Variants in AOX1 observed in about 807,000 individuals in gnomAD.
The protein encoded by AOX1 is aldehyde oxidase 1, also known as aldehyde oxidase.
A neutral mutation model predicts 169.5 loss-of-function variants in AOX1; 153 were observed. The ratio of observed to expected loss-of-function variants is 0.90; its 90% confidence interval spans 0.79 to 1.03. AOX1 has a LOEUF of 1.03. Among genes scored for constraint, AOX1 ranks in the 50% least tolerant of loss-of-function variants. AOX1 has a pLI of 0.00. For synonymous variants in AOX1, 562 were observed against 581.9 expected (o/e 0.97, Z 0.49); for missense variants, 1,656 against 1,663.9 (o/e 1.00, Z 0.08).
chr2:200,639,731 AAGAT>A (rs1304322194), intron 23 of AOX1, among the ~76,000 whole-genome samples: 4 of 152,080 alleles, frequency 2.6e-5, no homozygotes, highest in Non-Finnish European at 5.9e-5. Flanking sequence ...AAGAAGGTAA[AAGAT>A]AGGTCTTCAA....
chr2:200,600,119 G>T (rs1234079754), intron 5 of AOX1, among the ~76,000 whole-genome samples: 2 of 152,208 alleles, frequency 1.3e-5, no homozygotes, highest in Non-Finnish European at 2.9e-5. Context: ...TTTGTTCAAA[G>T]TTACACCCCC....
rs766537964 is a variant in AOX1 at position 200,609,414 on chromosome 2, G to A, written c.1153G>A (p.Glu385Lys). 1.2e-6 allele frequency: 2 copies of A among 1,612,782 alleles called. No individual in the cohort carries two copies. Among genetic ancestry groups the A allele is most frequent in the African/African-American group, 1.3e-5 (1 of 74,880 alleles). ...GNCTLNLLSK[E>K]GKRQIPLNEQ... Reference sequence around the variant, plus strand: ...CTGTACCCTCAACTTGCTATCAAAAGGTAAGTGACAGCCCCTACTTGGAGA... The same window carrying A: ...CTGTACCCTCAACTTGCTATCAAAAAGTAAGTGACAGCCCCTACTTGGAGA... The change falls in exon 12 of 35, where the codon GAA becomes AAA. Residue 385 changes from glutamate to lysine, a missense_variant and splice_region_variant. By Grantham distance (56) the Glu-to-Lys change is moderately conservative. Coordinates refer to ENST00000374700, the MANE Select transcript of AOX1 (RefSeq NM_001159.4).
intron 25 of AOX1, among the ~76,000 whole-genome samples, chr2:200,645,401 G>T (rs1469808892): frequency 3.9e-5 from 6 of 152,122 alleles, no homozygotes; most frequent in Admixed American, 6.5e-5. Flanking sequence ...AACCATCCCT[G>T]TATCCCTGGT....
At chr2:200,609,980 T>C (rs1181474923) in intron 12 of AOX1, among the ~76,000 whole-genome samples, 1 of 152,224 alleles carries the variant, frequency 6.6e-6, no homozygotes, top group African/African-American at 2.4e-5. Context: ...CTCTGTAAAT[T>C]TGTGGGGTTT....
intron 22 of AOX1, 152 bp from the exon 23 acceptor site, chr2:200,638,063 C>A: frequency 1.6e-6 from 1 of 627,766 alleles, no homozygotes; most frequent in Non-Finnish European, 2.8e-6. Flanking sequence ...ACGGTGTATG[C>A]CTGAGATCAG....
intron 28 of AOX1, 51 bp from the exon 29 acceptor site, chr2:200,659,944 G>A (rs749259371): frequency 7.3e-7 from 1 of 1,379,266 alleles, no homozygotes; most frequent in South Asian, 1.2e-5. Flanking sequence ...TTTTGAATTT[G>A]GTGTTTGCAT....
rs892632658 is a variant in AOX1 at position 200,656,865 on chromosome 2, T to C, written c.3099T>C (p.Tyr1033=). 1 of 1,586,928 alleles carries C rather than the reference T, an allele frequency of 6.3e-7. No homozygotes were observed. The highest frequency in any genetic ancestry group is 1.4e-5 in the African/African-American group (1 of 74,064). ...AGQAAALVHI[Y]LDGSVLVTHG... Reference sequence around the variant, plus strand: ...AGGCTGCTGCCTTGGTTCACATTTATCTTGATGGCTCTGTGCTGGTCACTC... The same window carrying C: ...AGGCTGCTGCCTTGGTTCACATTTACCTTGATGGCTCTGTGCTGGTCACTC... Residue 1033 remains tyrosine, a synonymous_variant, in exon 27 of 35, where the codon TAT becomes TAC. Transcript: ENST00000374700.
Position 200,634,815 on chromosome 2 carries a change from A to G in AOX1, c.2246A>G (p.Glu749Gly). ...LEGEIHMGGQ[E>G]HFYMETQSML... ...GGTGAAATACATATGGGAGGTCAAGAACATTTTTATATGGAAACCCAAAGC... is the reference window on the plus strand; with the variant it reads ...GGTGAAATACATATGGGAGGTCAAGGACATTTTTATATGGAAACCCAAAGC... Residue 749 changes from glutamate (E) to glycine (G), a missense_variant, in exon 21 of 35, where the codon GAA (glutamate) becomes GGA (glycine). By Grantham distance (98) the Glu-to-Gly change is moderately conservative. Coordinates refer to ENST00000374700, the MANE Select transcript of AOX1 (RefSeq NM_001159.4). 1 of 1,614,062 alleles carries G rather than the reference A, an allele frequency of 6.2e-7. No homozygotes were observed. Among genetic ancestry groups the G allele is most frequent in the Non-Finnish European group, 8.5e-7 (1 of 1,179,958 alleles).
chr2:200,652,495 A>T (rs1258325102), intron 26 of AOX1, among the ~76,000 whole-genome samples: 2 of 152,230 alleles, frequency 1.3e-5, no homozygotes, highest in Non-Finnish European at 2.9e-5. Flanking sequence ...AGGGTTTGTA[A>T]GCATTGAGTC....
chr2:200,620,701 C>T lies in AOX1; in HGVS notation c.1756C>T (p.His586Tyr), dbSNP rs373513974. ...AGACCCAATTGGCCACCCCATCATG[C>T]ATCTGTCTGGTGTGAAGCATGCCAC... ...PEDPIGHPIM[H>Y]LSGVKHATGE... The change falls in exon 17 of 35, where the codon CAT (histidine) becomes TAT (tyrosine). Residue 586 changes from histidine to tyrosine, a missense_variant. Physicochemically the swap from His to Tyr is moderately conservative, Grantham distance 83. Transcript: ENST00000374700. The T allele has an allele frequency of 6.3e-7, 1 of 1,587,746 alleles. No individual in the cohort carries two copies. Among genetic ancestry groups the T allele is most frequent in the Non-Finnish European group, 8.5e-7 (1 of 1,171,616 alleles).
Position 200,597,524 on chromosome 2 carries a change from C to G in AOX1, c.309+19C>G, listed in dbSNP as rs1245021650. 1 of 1,554,554 alleles carries G rather than the reference C, an allele frequency of 6.4e-7. No individual in the cohort carries two copies. Among genetic ancestry groups the G allele is most frequent in the Non-Finnish European group, 8.8e-7 (1 of 1,130,392 alleles). On this transcript the variant is annotated intron_variant, in intron 4 of 34. Coordinates refer to ENST00000374700, the MANE Select transcript of AOX1 (RefSeq NM_001159.4). ...TGTTCAGGTGAGGATGTGCCTCTTCCTTATAGGCTTTCTGTGCTTTAGAAA... is the reference window on the plus strand; with the variant it reads ...TGTTCAGGTGAGGATGTGCCTCTTCGTTATAGGCTTTCTGTGCTTTAGAAA...
intron 15 of AOX1, among the ~76,000 whole-genome samples, chr2:200,615,213 C>T (rs1242101739): frequency 6.6e-6 from 1 of 152,162 alleles, no homozygotes; most frequent in African/African-American, 2.4e-5. Flanking sequence ...TACCATGTTG[C>T]TCAAGCTGGT....
Position 200,655,437 on chromosome 2 carries a change from T to C in AOX1, c.3076-1405T>C, listed in dbSNP as rs530598130. 3.9e-5 allele frequency among the ~76,000 whole-genome samples: 6 copies of C among 152,250 alleles called. No homozygotes were observed. In the East Asian group the frequency reaches 1.2e-3, roughly 29 times the overall value. ...ATGTCCAGGAGCAAAAGATGGTGTT[T>C]CCAGGAGTCATGAGTCAATAAACAG... is the stretch of plus-strand genomic sequence containing the variant. On this transcript the variant is annotated intron_variant, in intron 26 of 34. Coordinates refer to ENST00000374700, the MANE Select transcript of AOX1 (RefSeq NM_001159.4).
chr2:200,662,782 A>G, intron 30 of AOX1, 73 bp from the exon 31 acceptor site: 2 of 1,181,200 alleles, frequency 1.7e-6, no homozygotes, highest in South Asian at 1.2e-5. Context: ...ATAAATCCTC[A>G]TGGGTCTGTT....
intron 15 of AOX1, among the ~76,000 whole-genome samples, chr2:200,614,804 C>T (rs139930617): frequency 1.3e-5 from 2 of 152,182 alleles, no homozygotes; most frequent in East Asian, 1.9e-4. Flanking sequence ...AACTAGGAAC[C>T]AGAAGGGTAG....
intron 26 of AOX1, among the ~76,000 whole-genome samples, chr2:200,655,888 T>C (rs2035672428): frequency 6.6e-6 from 1 of 152,228 alleles, no homozygotes; most frequent in Non-Finnish European, 1.5e-5. Context: ...CTTCACTTAA[T>C]GACCAGGGTT....
intron 25 of AOX1, among the ~76,000 whole-genome samples, chr2:200,647,253 C>T (rs866300000): frequency 3.3e-5 from 5 of 152,180 alleles, no homozygotes; most frequent in African/African-American, 1.2e-4. Context: ...TTTAGAGCTG[C>T]TTTTAGCAGT....
At chr2:200,644,640 C>T (rs759061970) in intron 25 of AOX1, among the ~76,000 whole-genome samples, 7 of 152,220 alleles carry the variant, frequency 4.6e-5, no homozygotes, top group Non-Finnish European at 7.4e-5. Context: ...TTGCTTTTGG[C>T]AGTATAGCCA....
intron 7 of AOX1, among the ~76,000 whole-genome samples, 183 bp from the exon 8 acceptor site, chr2:200,603,834 T>G (rs1468795828): frequency 6.6e-6 from 1 of 152,138 alleles, no homozygotes; most frequent in Non-Finnish European, 1.5e-5. Context: ...GCATCAGCAC[T>G]GAGTTGCTGA....
Sources: gnomAD v4.1 joint callset for allele counts (sites outside exome capture counted in the v4.1 genomes callset) on GRCh38, gnomAD v4.1.1 for gene constraint, MANE v1.5 for transcripts, NCBI Gene and HGNC (gene_info 2026-07-23, HGNC 2026-07-21) for gene names.